HS3ST4: variants seen among roughly 807,000 people sequenced by gnomAD.
HS3ST4 encodes the protein heparan sulfate glucosamine 3-O-sulfotransferase 4.
In HS3ST4, 17 loss-of-function variants were observed where a neutral mutation model predicts 29.2. The ratio of observed to expected loss-of-function variants is 0.58; its 90% CI spans 0.40 to 0.87. The LOEUF (loss-of-function observed/expected upper bound fraction) is 0.87, where lower values mean the gene tolerates loss of function less well. Among genes scored for constraint, HS3ST4 ranks in the 40% least tolerant of loss-of-function variants. HS3ST4 has a pLI of 0.00. For synonymous variants in HS3ST4, 314 were observed against 285.7 expected (o/e 1.10, Z -1.00); for missense variants, 627 against 634.5 (o/e 0.99, Z 0.13).
intron 1 of HS3ST4, among the ~76,000 whole-genome samples, chr16:25,934,707 C>T (rs917409212): frequency 6.6e-6 from 1 of 152,164 alleles, no homozygotes; most frequent in African/African-American, 2.4e-5. Flanking sequence ...AACACTTTCC[C>T]TCCATGCTGA....
intron 1 of HS3ST4, among the ~76,000 whole-genome samples, chr16:25,758,026 C>T (rs1171805879): frequency 6.6e-6 from 1 of 152,076 alleles, no homozygotes; most frequent in Admixed American, 6.5e-5. Context: ...TCCAGAGCCC[C>T]CAGAATAACT....
At chr16:25,946,734 G>A (rs1329637333) in intron 1 of HS3ST4, among the ~76,000 whole-genome samples, 2 of 152,102 alleles carry the variant, frequency 1.3e-5, no homozygotes, top group Non-Finnish European at 2.9e-5. Context: ...CATAGGGAAC[G>A]GGGGCAATTT....
chr16:25,776,489 A>G (rs1036312074), intron 1 of HS3ST4, among the ~76,000 whole-genome samples: 2 of 152,132 alleles, frequency 1.3e-5, no homozygotes, highest in Non-Finnish European at 1.5e-5. Flanking sequence ...ATGTTGATTG[A>G]TGTCTCATGT....
intron 1 of HS3ST4, among the ~76,000 whole-genome samples, chr16:25,972,021 A>G (rs1968903776): frequency 6.6e-6 from 1 of 152,150 alleles, no homozygotes; most frequent in Non-Finnish European, 1.5e-5. Context: ...AGCTAGCTAC[A>G]GGACTTTTCA....
intron 1 of HS3ST4, among the ~76,000 whole-genome samples, chr16:25,901,278 G>A (rs1011261610): frequency 1.3e-5 from 2 of 152,190 alleles, no homozygotes; most frequent in Middle Eastern, 3.2e-3. Context: ...ATGGCTCTCA[G>A]CATCTGCAGA....
chr16:25,945,099 A>C (rs1448266862), intron 1 of HS3ST4, among the ~76,000 whole-genome samples: 1 of 152,216 alleles, frequency 6.6e-6, no homozygotes, highest in African/African-American at 2.4e-5. Context: ...CCATCCCCAA[A>C]GATGACTGCT....
chr16:25,999,618 C>T (rs1297068729), intron 1 of HS3ST4, among the ~76,000 whole-genome samples: 1 of 149,822 alleles, frequency 6.7e-6, no homozygotes, highest in African/African-American at 2.5e-5. Flanking sequence ...TATTTATTTT[C>T]CTTTATGTAA....
chr16:26,024,686 C>T (rs1431318723), intron 1 of HS3ST4, among the ~76,000 whole-genome samples: 2 of 152,154 alleles, frequency 1.3e-5, no homozygotes, highest in African/African-American at 2.4e-5. Flanking sequence ...GAGCCAAGAT[C>T]GTGCCACTGC....
At chr16:25,704,745 G>A (rs987422757) in intron 1 of HS3ST4, among the ~76,000 whole-genome samples, 1 of 152,092 alleles carries the variant, frequency 6.6e-6, no homozygotes, top group African/African-American at 2.4e-5. Flanking sequence ...CAAGCGTGGT[G>A]ACAGGCACCT....
At chr16:25,883,250 CT>C (rs1967913081) in intron 1 of HS3ST4, among the ~76,000 whole-genome samples, 1 of 148,916 alleles carries the variant, frequency 6.7e-6, no homozygotes, top group Admixed American at 6.8e-5. Context: ...TCTTTTGAAA[CT>C]CAAAAGACAG....
intron 1 of HS3ST4, among the ~76,000 whole-genome samples, chr16:26,076,376 G>A (rs893339463): frequency 2.0e-5 from 3 of 152,190 alleles, no homozygotes; most frequent in African/African-American, 4.8e-5. Flanking sequence ...TCACATTCAG[G>A]TAGGCTGAGG....
At chr16:25,803,561 T>G (rs1284937826) in intron 1 of HS3ST4, among the ~76,000 whole-genome samples, 1 of 152,206 alleles carries the variant, frequency 6.6e-6, no homozygotes, top group Non-Finnish European at 1.5e-5. Context: ...ATTTTTAAAT[T>G]CATGCCTTAT....
Position 25,842,438 on chromosome 16 carries a change from T to C in HS3ST4, c.734+149287T>C, listed in dbSNP as rs73513359. Among the ~76,000 whole-genome samples the C allele has an allele frequency of 4.0e-3, 614 of 152,342 alleles. 3 individuals carry two copies. The highest frequency in any genetic ancestry group is 0.014 in the African/African-American group (578 of 41,572). On this transcript the variant is annotated intron_variant, in intron 1 of 1. Transcript: ENST00000331351. ...AGTGATCGTATATGCCCCACTGTAC[T>C]GTGATTTTTTATTTTTCTTGCTTCT...
intron 1 of HS3ST4, among the ~76,000 whole-genome samples, chr16:25,857,231 TC>T (rs1470375777): frequency 6.6e-6 from 1 of 152,176 alleles, no homozygotes; most frequent in African/African-American, 2.4e-5. Context: ...AGGAGCTTCT[TC>T]TCCAGGTGGG....
chr16:25,846,424 C>T (rs561549095), intron 1 of HS3ST4, among the ~76,000 whole-genome samples: 63 of 152,094 alleles, frequency 4.1e-4, no homozygotes, highest in Admixed American at 1.4e-3. Context: ...GTTCCAGCTA[C>T]GCAGGAGGCT....
intron 1 of HS3ST4, among the ~76,000 whole-genome samples, chr16:25,709,318 C>T (rs1459071855): frequency 6.6e-6 from 1 of 152,028 alleles, no homozygotes; most frequent in Non-Finnish European, 1.5e-5. Context: ...TCTTAGGGGT[C>T]GTGCACACAT....
intron 1 of HS3ST4, among the ~76,000 whole-genome samples, chr16:25,812,415 C>T (rs1049316776): frequency 6.6e-6 from 1 of 152,170 alleles, no homozygotes; most frequent in East Asian, 1.9e-4. Context: ...TCTTCTCTGC[C>T]GTTTCCCTTT....
At chr16:26,090,502 A>G (rs1165264519) in intron 1 of HS3ST4, among the ~76,000 whole-genome samples, 1 of 151,942 alleles carries the variant, frequency 6.6e-6, no homozygotes, top group East Asian at 1.9e-4. Context: ...AAAAGGGTGC[A>G]CAAAATTTCC....
chr16:26,128,365 CTT>C (rs1381136710), intron 1 of HS3ST4, among the ~76,000 whole-genome samples: 1 of 152,200 alleles, frequency 6.6e-6, no homozygotes, highest in East Asian at 1.9e-4. Flanking sequence ...GAGGGAATAT[CTT>C]TTAACCTGAC....
Sources: gnomAD v4.1 joint callset for allele counts (sites outside exome capture counted in the v4.1 genomes callset) on GRCh38, gnomAD v4.1.1 for gene constraint, MANE v1.5 for transcripts, NCBI Gene and HGNC (gene_info 2026-07-23, HGNC 2026-07-21) for gene names.